The following WASHC2C variants were observed in gnomAD, a reference collection of about 807,000 sequenced individuals.
WASHC2C encodes the protein WASH complex subunit 2C.
In WASHC2C, 73 loss-of-function variants were observed where a neutral mutation model predicts 142.2. That is an observed-to-expected ratio of 0.51 (90% CI 0.43 to 0.62). The LOEUF (loss-of-function observed/expected upper bound fraction) is 0.62, where lower values mean the gene tolerates loss of function less well. Ranked by LOEUF, WASHC2C falls within the 20% of genes least tolerant of loss-of-function variation. The pLI is 0.00. For synonymous variants in WASHC2C, 337 were observed against 565.5 expected, an observed-to-expected ratio of 0.60 and a Z score of 5.73; for missense variants, 969 against 1,531.7, an observed-to-expected ratio of 0.63 and a Z score of 6.13.
At chr10:45,735,038 T>C in intron 3 of WASHC2C, among the ~76,000 whole-genome samples, 1 of 151,686 alleles carries the variant, frequency 6.6e-6, no homozygotes, top group South Asian at 2.1e-4. Flanking sequence ...TCCATGGAAT[T>C]GTGGGTCTGT....
chr10:45,749,836 A>AAAAAAATATATATATATATATATATATAT (rs1227809519), intron 8 of WASHC2C, among the ~76,000 whole-genome samples: 1 of 101,780 alleles, frequency 9.8e-6, no homozygotes, highest in African/African-American at 4.4e-5. Context: ...AAAAAAAAAA[A>AAAAAAATATATATATATATATATATATAT]ATATATATAT....
At chr10:45,785,684 G>T in intron 26 of WASHC2C, 53 bp downstream of exon 26, 1 of 1,611,352 alleles carries the variant, frequency 6.2e-7, no homozygotes, top group Non-Finnish European at 8.5e-7. Context: ...CCAGTACAGA[G>T]AAATTCCATT....
At chr10:45,786,906 G>A (rs115483900) in intron 27 of WASHC2C, 129 bp from the exon 28 acceptor site, 59,321 of 1,604,778 alleles carry the variant, frequency 0.037, 1,238 homozygotes, top group East Asian at 0.08. Flanking sequence ...TAGATTGGGC[G>A]ATTTTCCTAC....
Position 45,789,081 on chromosome 10 carries a change from G to T in WASHC2C, c.3298G>T (p.Ala1100Ser), listed in dbSNP as rs1244601193. The change falls in exon 29 of 31, where the codon GCT becomes TCT. Residue 1100 changes from alanine to serine, a missense_variant. Ala to Ser is a moderately conservative substitution (Grantham distance 99). Transcript: ENST00000623400. ...DSTEEALAAA[A>S]APWEGGPVPG... is the part of the protein sequence containing the mutation. ...CACTGAGGAGGCCCTGGCAGCTGCC[G>T]CTGCACCTTGGGAAGGTGGTCCTGT... 95 of 1,611,958 alleles carry T rather than the reference G, an allele frequency of 5.9e-5. No individual in the cohort carries two copies. The highest frequency in any genetic ancestry group is 7.5e-5 in the Non-Finnish European group (89 of 1,179,868).
At position 45,787,151 on chromosome 10, in the gene WASHC2C, C is replaced by T. The variant is rs200724858; in HGVS notation, c.2991C>T (p.His997=). Residue 997 remains histidine (H), a synonymous_variant, in exon 28 of 31, where the codon CAC becomes CAT. Transcript: ENST00000623400. ...CTTCATCTGAACACAGAAGGAGCCA[C>T]GGTCTGGAAAGTGTGCCTGTCCTTC... ...AFPSSEHRRS[H]GLESVPVLPG... The T allele has an allele frequency of 5.1e-4, 806 of 1,575,318 alleles. 2 individuals carry two copies. In the Middle Eastern group the frequency reaches 6.2e-3, roughly 12 times the overall value.
At chr10:45,766,880 G>A (rs1284403751) in intron 19 of WASHC2C, among the ~76,000 whole-genome samples, 1 of 152,096 alleles carries the variant, frequency 6.6e-6, no homozygotes, top group Non-Finnish European at 1.5e-5. Flanking sequence ...AAGTTAGTAG[G>A]GGGTGAAGTG....
chr10:45,788,517 A>G (rs2058208573), intron 28 of WASHC2C, among the ~76,000 whole-genome samples: 2 of 152,026 alleles, frequency 1.3e-5, no homozygotes, highest in South Asian at 2.1e-4. Context: ...TGTTGAGGGT[A>G]GAGTAGGGGC....
chr10:45,736,210 C>A (rs143433122), intron 3 of WASHC2C, among the ~76,000 whole-genome samples: 7,207 of 148,966 alleles, frequency 0.048, 188 homozygotes, highest in Middle Eastern at 0.075. Flanking sequence ...TGAGACCATC[C>A]TGGTTAACAT....
rs2058263016 is a variant in WASHC2C, at chr10:45,789,412, C to A, written c.3629C>A (p.Thr1210Lys). The change falls in exon 29 of 31, where the codon ACA becomes AAA. Residue 1210 changes from threonine (T) to lysine (K), a missense_variant. Physicochemically the swap from Thr to Lys is moderately conservative, Grantham distance 78 (BLOSUM62 -1). Coordinates refer to ENST00000623400, the MANE Select transcript of WASHC2C (RefSeq NM_001330074.2). ...CTGGAAGATGAGGATGACCTCTTTA[C>A]AGATCAGAAAGTCAAGAAGAATGAG... ...PLLEDEDDLF[T>K]DQKVKKNETK... 6.8e-6 allele frequency: 11 copies of A among 1,611,920 alleles called. No individual in the cohort carries two copies.
chr10:45,755,457 A>G (rs1310041048), intron 15 of WASHC2C, among the ~76,000 whole-genome samples: 3 of 152,186 alleles, frequency 2.0e-5, no homozygotes, highest in Non-Finnish European at 4.4e-5. Context: ...AGTCAATTAC[A>G]TGAGCAGCAG....
chr10:45,751,844 G>A (rs1554874779), intron 11 of WASHC2C, among the ~76,000 whole-genome samples: 1 of 152,074 alleles, frequency 6.6e-6, no homozygotes, highest in East Asian at 1.9e-4. Flanking sequence ...TGGCATGGTG[G>A]TGGGTGCCTG....
intron 13 of WASHC2C, 103 bp downstream of exon 13, chr10:45,753,340 C>T (rs2442907): frequency 0.26 from 252,148 of 960,114 alleles, 60,899 homozygotes; most frequent in East Asian, 0.54. Context: ...GTTTCTGTGT[C>T]AAGCAAGAAG....
At chr10:45,750,252 A>G (rs2053424522) in intron 9 of WASHC2C, 46 bp downstream of exon 9, 8 of 1,590,278 alleles carry the variant, frequency 5.0e-6, no homozygotes, top group African/African-American at 1.4e-5. Context: ...TTTTAGAACC[A>G]ATGACTTGTT....
chr10:45,754,876 G>T, intron 14 of WASHC2C, 60 bp from the exon 15 acceptor site: 1 of 1,590,904 alleles, frequency 6.3e-7, no homozygotes, highest in Non-Finnish European at 8.5e-7. Flanking sequence ...ATTTTTTTCT[G>T]TAAATTCAAC....
chr10:45,785,769 C>G (rs1197665438), intron 26 of WASHC2C, 138 bp downstream of exon 26: 1 of 1,497,670 alleles, frequency 6.7e-7, no homozygotes, highest in East Asian at 2.3e-5. Context: ...TTTGTCTTCA[C>G]TGCACTTCCC....
At chr10:45,735,693 A>C (rs1554864261) in intron 3 of WASHC2C, among the ~76,000 whole-genome samples, 2 of 152,238 alleles carry the variant, frequency 1.3e-5, no homozygotes, top group African/African-American at 4.8e-5. Context: ...CGTTTATGAT[A>C]ATTTTCATGG....
intron 20 of WASHC2C, among the ~76,000 whole-genome samples, chr10:45,772,784 C>T (rs1404736387): frequency 6.6e-6 from 1 of 152,220 alleles, no homozygotes; most frequent in Non-Finnish European, 1.5e-5. Flanking sequence ...AATTATGTCT[C>T]GATAACGCTA....
At chr10:45,746,932 AC>A (rs1179793026) in intron 8 of WASHC2C, among the ~76,000 whole-genome samples, 1 of 152,206 alleles carries the variant, frequency 6.6e-6, no homozygotes, top group African/African-American at 2.4e-5. Flanking sequence ...CCCAAACTGA[AC>A]TACTTTGCAT....
intron 25 of WASHC2C, 51 bp downstream of exon 25, chr10:45,784,952 A>G (rs2057919450): frequency 2.5e-6 from 4 of 1,610,688 alleles, no homozygotes; most frequent in Non-Finnish European, 3.4e-6. Flanking sequence ...GATTCTGGGA[A>G]AGGAAACTAA....
Sources: allele counts gnomAD v4.1 joint callset (sites outside exome capture counted in the v4.1 genomes callset), GRCh38; gene constraint gnomAD v4.1.1; transcripts MANE v1.5; gene names NCBI Gene and HGNC (gene_info 2026-07-23, HGNC 2026-07-21).